MARCHF1: variants seen among roughly 807,000 people sequenced by gnomAD.
The protein encoded by MARCHF1 is membrane associated ring-CH-type finger 1, also known as E3 ubiquitin-protein ligase MARCHF1.
MARCHF1 carries 40 observed loss-of-function variants against 54.2 expected under a neutral mutation model. That is an observed-to-expected ratio of 0.74 (90% CI 0.57 to 0.96). MARCHF1 has a LOEUF of 0.96. Ranked by LOEUF, MARCHF1 falls within the 40% of genes least tolerant of loss-of-function variation. The pLI, the probability that MARCHF1 is intolerant of heterozygous loss-of-function variation, is 0.00. For missense variants in MARCHF1, 586 were observed against 656.5 expected, an observed-to-expected ratio of 0.89 and a Z score of 1.17; for synonymous variants, 236 against 236.3, an observed-to-expected ratio of 1.00 and a Z score of 0.01.
At chr4:163,805,590 G>A (rs1462789608) in intron 4 of MARCHF1, among the ~76,000 whole-genome samples, 1 of 152,158 alleles carries the variant, frequency 6.6e-6, no homozygotes, top group East Asian at 1.9e-4. Flanking sequence ...TTAATTTGAT[G>A]TTCCTGAATG....
At chr4:164,234,191 A>C (rs1394170039) in intron 1 of MARCHF1, among the ~76,000 whole-genome samples, 1 of 152,170 alleles carries the variant, frequency 6.6e-6, no homozygotes, top group Non-Finnish European at 1.5e-5. Flanking sequence ...CAATAGAATG[A>C]TTTAACAAGC....
chr4:163,712,860 C>T (rs1193941835), intron 4 of MARCHF1, among the ~76,000 whole-genome samples: 1 of 152,060 alleles, frequency 6.6e-6, no homozygotes. Context: ...TAATATTGGC[C>T]TACCAGGAAG....
intron 1 of MARCHF1, among the ~76,000 whole-genome samples, chr4:164,369,624 AATGT>A (rs575699739): frequency 2.4e-3 from 358 of 152,280 alleles, no homozygotes; most frequent in Admixed American, 4.2e-3. Context: ...CTTATATACT[AATGT>A]ATGTAATTAT....
At chr4:163,670,746 G>T (rs1174740460) in intron 5 of MARCHF1, among the ~76,000 whole-genome samples, 1 of 152,126 alleles carries the variant, frequency 6.6e-6, no homozygotes, top group African/African-American at 2.4e-5. Flanking sequence ...ATTGAATGCT[G>T]ACCATCTGTC....
At chr4:163,711,102 T>C (rs890411167) in intron 4 of MARCHF1, among the ~76,000 whole-genome samples, 1 of 151,818 alleles carries the variant, frequency 6.6e-6, no homozygotes, top group Non-Finnish European at 1.5e-5. Context: ...GTAAATGACG[T>C]GTAATTTTTT....
At chr4:164,072,096 A>G (rs920969556) in intron 2 of MARCHF1, among the ~76,000 whole-genome samples, 2 of 152,238 alleles carry the variant, frequency 1.3e-5, no homozygotes, top group East Asian at 1.9e-4. Context: ...CAAAATGACA[A>G]TGAGTCATTT....
At chr4:164,204,151 A>AG (rs1291977587) in intron 1 of MARCHF1, among the ~76,000 whole-genome samples, 1 of 152,158 alleles carries the variant, frequency 6.6e-6, no homozygotes, top group Non-Finnish European at 1.5e-5. Flanking sequence ...GTTGATAGAT[A>AG]GGTGCTAAAT....
chr4:163,809,390 G>T (rs1311113994), intron 4 of MARCHF1, among the ~76,000 whole-genome samples: 1 of 152,072 alleles, frequency 6.6e-6, no homozygotes, highest in African/African-American at 2.4e-5. Context: ...ATTTTATAAT[G>T]GCATCTATAA....
intron 1 of MARCHF1, among the ~76,000 whole-genome samples, chr4:164,198,760 T>C (rs1353333933): frequency 6.6e-6 from 1 of 152,170 alleles, no homozygotes; most frequent in Non-Finnish European, 1.5e-5. Flanking sequence ...CATCAGTGAA[T>C]TGGGAATAGA....
At chr4:164,189,371 T>A in intron 1 of MARCHF1, 1 of 628,130 alleles carries the variant, frequency 1.6e-6, no homozygotes, top group Non-Finnish European at 2.9e-6. Flanking sequence ...GAGCTAAACA[T>A]GGATCTGTTC....
At chr4:163,978,311 G>T (rs1268727752) in intron 3 of MARCHF1, among the ~76,000 whole-genome samples, 3 of 152,104 alleles carry the variant, frequency 2.0e-5, no homozygotes, top group African/African-American at 7.2e-5. Flanking sequence ...ACAATAGAAG[G>T]TATTAATTAA....
At chr4:163,707,786 T>TAAA (rs777522371) in intron 4 of MARCHF1, among the ~76,000 whole-genome samples, 26 of 65,828 alleles carry the variant, frequency 3.9e-4, no homozygotes, top group East Asian at 7.7e-4. Context: ...TGTTTTGAAC[T>TAAA]AAAAAAAAAA....
At chr4:164,315,711 G>C (rs991298794) in intron 1 of MARCHF1, among the ~76,000 whole-genome samples, 1 of 152,162 alleles carries the variant, frequency 6.6e-6, no homozygotes, top group Non-Finnish European at 1.5e-5. Context: ...AAAGCATCTG[G>C]CTAGAGCATT....
chr4:163,636,443 C>T (rs963107764), intron 5 of MARCHF1, among the ~76,000 whole-genome samples: 2 of 146,324 alleles, frequency 1.4e-5, no homozygotes, highest in Non-Finnish European at 3.0e-5. Flanking sequence ...CATTCCTATA[C>T]ACCAACAACA....
At chr4:164,141,555 T>A (rs917162061) in intron 1 of MARCHF1, among the ~76,000 whole-genome samples, 49 of 152,310 alleles carry the variant, frequency 3.2e-4, no homozygotes, top group African/African-American at 1.2e-3. Flanking sequence ...ACAACAAGAT[T>A]AGCTCTCTTA....
intron 4 of MARCHF1, among the ~76,000 whole-genome samples, chr4:163,707,279 T>G (rs1260076340): frequency 1.3e-5 from 2 of 152,054 alleles, no homozygotes; most frequent in African/African-American, 4.8e-5. Flanking sequence ...AGTAAACAAT[T>G]GTGTTAGTAA....
At chr4:164,148,144 CA>C (rs1729817659) in intron 1 of MARCHF1, among the ~76,000 whole-genome samples, 3 of 105,654 alleles carry the variant, frequency 2.8e-5, no homozygotes, top group Admixed American at 2.2e-4. Flanking sequence ...AAAAAAATAA[CA>C]CACACACACA....
chr4:164,124,427 G>A (rs557923345), intron 1 of MARCHF1, among the ~76,000 whole-genome samples: 31 of 152,192 alleles, frequency 2.0e-4, no homozygotes, highest in African/African-American at 7.2e-4. Context: ...CCACTGCTGG[G>A]TATACACCCA....
chr4:164,361,204 C>T (rs2110925490), intron 1 of MARCHF1, among the ~76,000 whole-genome samples: 1 of 152,120 alleles, frequency 6.6e-6, no homozygotes, highest in East Asian at 1.9e-4. Context: ...TTAATTCTCT[C>T]CTCTGCCCTG....
Sources: gnomAD v4.1 joint callset for allele counts (sites outside exome capture counted in the v4.1 genomes callset) on GRCh38, gnomAD v4.1.1 for gene constraint, MANE v1.5 for transcripts, NCBI Gene and HGNC (gene_info 2026-07-23, HGNC 2026-07-21) for gene names.